The following RBFOX3 variants were observed in gnomAD, a reference collection of about 807,000 sequenced individuals.
RBFOX3 encodes RNA binding protein fox-1 homolog 3.
A neutral mutation model predicts 48.7 loss-of-function variants in RBFOX3; 17 were observed. The observed-to-expected ratio is 0.35, with a 90% CI of 0.24 to 0.52. The LOEUF is 0.52. RBFOX3 is among the 20% of genes least tolerant of loss of function. The probability of loss-of-function intolerance (pLI) is 0.94; values close to 1 mark genes in which losing one functional copy is unlikely to be tolerated. For synonymous variants in RBFOX3, 212 were observed against 209.5 expected (o/e 1.01, Z -0.10); for missense variants, 382 against 497.5 (o/e 0.77, Z 2.21).
intron 3 of RBFOX3, among the ~76,000 whole-genome samples, chr17:79,261,794 T>C (rs971346478): frequency 6.6e-6 from 1 of 152,188 alleles, no homozygotes; most frequent in Non-Finnish European, 1.5e-5. Flanking sequence ...GCTTCCCCTG[T>C]TCACACAAGA....
At chr17:79,296,855 T>A (rs111073943) in intron 3 of RBFOX3, among the ~76,000 whole-genome samples, 1 of 92,630 alleles carries the variant, frequency 1.1e-5, no homozygotes, top group Non-Finnish European at 2.0e-5. Context: ...CCCCTCCTCC[T>A]GCTTCTCCTC....
chr17:79,407,442 G>A (rs2063700047), intron 2 of RBFOX3, among the ~76,000 whole-genome samples: 1 of 152,270 alleles, frequency 6.6e-6, no homozygotes, highest in Non-Finnish European at 1.5e-5. Context: ...GGACAGGAAG[G>A]AGTGGGGCTT....
At chr17:79,302,871 C>A (rs11655455) in intron 3 of RBFOX3, among the ~76,000 whole-genome samples, 77,757 of 151,950 alleles carry the variant, frequency 0.51, 20,129 homozygotes, top group East Asian at 0.72. Flanking sequence ...TGGAATTAGA[C>A]AGAGGTGGTG....
intron 1 of RBFOX3, among the ~76,000 whole-genome samples, chr17:79,485,705 A>G (rs2079478848): frequency 6.6e-6 from 1 of 152,212 alleles, no homozygotes; most frequent in Non-Finnish European, 1.5e-5. Flanking sequence ...GGCTTAGAAG[A>G]TGGAGACACG....
chr17:79,203,521 G>T (rs1469522081), intron 4 of RBFOX3, among the ~76,000 whole-genome samples: 1 of 64,134 alleles, frequency 1.6e-5, no homozygotes, highest in East Asian at 4.1e-4. Context: ...GGGTGAAGGG[G>T]CGTGTAAGGA....
intron 1 of RBFOX3, among the ~76,000 whole-genome samples, chr17:79,512,415 G>T (rs1417180402): frequency 1.0e-5 from 1 of 96,422 alleles, no homozygotes; most frequent in Non-Finnish European, 2.0e-5. Context: ...GCCAGGGGAC[G>T]CACACCTGGA....
chr17:79,597,756 C>T (rs1285338611), intron 1 of RBFOX3, among the ~76,000 whole-genome samples: 1 of 152,220 alleles, frequency 6.6e-6, no homozygotes, highest in African/African-American at 2.4e-5. Flanking sequence ...CACCCTGTGG[C>T]CAGCAGGGAG....
intron 2 of RBFOX3, among the ~76,000 whole-genome samples, chr17:79,442,568 A>G (rs2071369863): frequency 6.6e-6 from 1 of 152,098 alleles, no homozygotes; most frequent in Non-Finnish European, 1.5e-5. Flanking sequence ...AAATGCAGAC[A>G]CAAAGGACAA....
chr17:79,649,471 C>T, the RBFOX3 span, among the ~76,000 whole-genome samples: 3 of 152,302 alleles, frequency 2.0e-5, no homozygotes, highest in East Asian at 3.9e-4. Context: ...TTTGGGAGGC[C>T]GAGGCGAGTG....
chr17:79,264,555 C>A (rs2066353957), intron 3 of RBFOX3, among the ~76,000 whole-genome samples: 1 of 152,092 alleles, frequency 6.6e-6, no homozygotes, highest in Non-Finnish European at 1.5e-5. Context: ...AGTGAGAATC[C>A]ATTTCTGTTG....
At chr17:79,338,405 C>T (rs1021577085) in intron 2 of RBFOX3, among the ~76,000 whole-genome samples, 10 of 152,112 alleles carry the variant, frequency 6.6e-5, no homozygotes, top group African/African-American at 2.4e-4. Flanking sequence ...TATTGCAACC[C>T]TTCTATGACT....
intron 1 of RBFOX3, among the ~76,000 whole-genome samples, chr17:79,485,623 G>A (rs1191321123): frequency 1.1e-4 from 16 of 152,130 alleles, no homozygotes; most frequent in Admixed American, 1.0e-3. Flanking sequence ...ACCACACCTT[G>A]CAAGCCAAGC....
intron 3 of RBFOX3, among the ~76,000 whole-genome samples, chr17:79,268,324 G>C (rs4789980): frequency 0.49 from 74,478 of 151,938 alleles, 19,888 homozygotes; most frequent in Middle Eastern, 0.67. Context: ...TCCAGAAACT[G>C]CCCCTACTCA....
At chr17:79,608,153 C>T (rs2093878968) in intron 1 of RBFOX3, among the ~76,000 whole-genome samples, 1 of 152,202 alleles carries the variant, frequency 6.6e-6, no homozygotes, top group South Asian at 2.1e-4. Context: ...GGTGCTGGCG[C>T]CCGCTGAGTG....
intron 2 of RBFOX3, among the ~76,000 whole-genome samples, chr17:79,345,870 C>CATTT (rs1360480061): frequency 1.1e-4 from 16 of 152,156 alleles, no homozygotes; most frequent in African/African-American, 3.6e-4. Flanking sequence ...TTTTTATACT[C>CATTT]ATTTGATGTG....
chr17:79,265,285 C>T (rs777310683), intron 3 of RBFOX3, among the ~76,000 whole-genome samples: 47 of 152,186 alleles, frequency 3.1e-4, no homozygotes, highest in Non-Finnish European at 4.7e-4. Flanking sequence ...CGAAGCCGGC[C>T]CTGGGGGGCC....
intron 5 of RBFOX3, among the ~76,000 whole-genome samples, chr17:79,108,386 C>T (rs1046400432): frequency 2.0e-5 from 3 of 152,260 alleles, no homozygotes; most frequent in African/African-American, 7.2e-5. Flanking sequence ...AGAGAGGCTC[C>T]AGAGAGCCAT....
the RBFOX3 span, among the ~76,000 whole-genome samples, chr17:79,620,262 C>T: frequency 1.3e-5 from 2 of 151,458 alleles, no homozygotes; most frequent in African/African-American, 4.9e-5. Context: ...CATGCACACA[C>T]ACGTGCACAC....
chr17:79,327,571 G>T (rs992052659), intron 2 of RBFOX3, among the ~76,000 whole-genome samples: 9 of 152,216 alleles, frequency 5.9e-5, no homozygotes, highest in African/African-American at 2.2e-4. Context: ...TTCTTTTGTT[G>T]CTTTTATTTT....
Sources: allele counts gnomAD v4.1 joint callset (sites outside exome capture counted in the v4.1 genomes callset), GRCh38; gene constraint gnomAD v4.1.1; transcripts MANE v1.5; gene names NCBI Gene and HGNC (gene_info 2026-07-23, HGNC 2026-07-21).